The following NUMB variants were observed in gnomAD, a reference collection of about 807,000 sequenced individuals.
The protein encoded by NUMB is NUMB endocytic adaptor protein, also known as protein numb homolog.
Under a neutral mutation model 59.7 loss-of-function variants are expected in NUMB, and 29 were observed. That is an observed-to-expected ratio of 0.49 (90% CI 0.36 to 0.66). The LOEUF (loss-of-function observed/expected upper bound fraction) is 0.66. NUMB is among the 30% of genes least tolerant of loss of function. The pLI, the probability that NUMB is intolerant of heterozygous loss-of-function variation, is 0.00. For missense variants in NUMB, 723 were observed against 822.0 expected, an observed-to-expected ratio of 0.88 and a Z score of 1.47; for synonymous variants, 288 against 288.2, an observed-to-expected ratio of 1.00 and a Z score of 0.01.
At chr14:73,379,920 G>A (rs557283930) in intron 2 of NUMB, among the ~76,000 whole-genome samples, 5 of 152,188 alleles carry the variant, frequency 3.3e-5, no homozygotes, top group Non-Finnish European at 7.3e-5. Flanking sequence ...CTACTAAAGG[G>A]TTCTGAGAGT....
intron 3 of NUMB, among the ~76,000 whole-genome samples, chr14:73,359,778 GC>G (rs756316938): frequency 1.2e-4 from 18 of 152,274 alleles, no homozygotes; most frequent in Non-Finnish European, 2.4e-4. Flanking sequence ...AAACAGCTCT[GC>G]TTCCCTTTAC....
In NUMB at chr14:73,276,489, A is replaced by T. The variant is rs1187414325; in HGVS notation, c.*89T>A. 1 of 978,460 alleles carries T rather than the reference A, an allele frequency of 1.0e-6. No individual in the cohort carries two copies. Among genetic ancestry groups the T allele is most frequent in the Non-Finnish European group, 1.5e-6 (1 of 651,218 alleles). The allele number at this position is 978,460 out of a possible 1,614,324, so 60.6% of individuals were successfully genotyped here. A position where few individuals can be genotyped will look rare whatever the true frequency, so the allele number is the denominator to read the frequency against. ...CTTTGGGATTAGTGAAAAGAGTACTAATCAGGAGACAAAGTCTGTTTTGCT... is the reference window on the plus strand; with the variant it reads ...CTTTGGGATTAGTGAAAAGAGTACTTATCAGGAGACAAAGTCTGTTTTGCT... On this transcript the variant is annotated 3_prime_UTR_variant, in exon 13 of 13. Transcript: ENST00000555238.
chr14:73,446,126 A>G (rs1044673284), intron 1 of NUMB, among the ~76,000 whole-genome samples: 4 of 149,402 alleles, frequency 2.7e-5, no homozygotes, highest in Admixed American at 6.6e-5. Flanking sequence ...CCTCCCGAGT[A>G]GCTGGGACTA....
chr14:73,326,317 T>C (rs1391865317), intron 4 of NUMB, among the ~76,000 whole-genome samples: 1 of 152,022 alleles, frequency 6.6e-6, no homozygotes, highest in Non-Finnish European at 1.5e-5. Context: ...CAGAATAGCA[T>C]TGCAGAGGCT....
At chr14:73,443,333 C>T (rs138287620) in intron 1 of NUMB, among the ~76,000 whole-genome samples, 2,085 of 152,238 alleles carry the variant, frequency 0.014, 16 homozygotes, top group Non-Finnish European at 0.022. Flanking sequence ...CAGTGGCTCA[C>T]GCCTGTAATC....
chr14:73,282,522 A>C lies in NUMB; in HGVS notation c.950-17T>G. ...CTTCTGGCACTGCAAGGCAAACAGA[A>C]AATGGCTCCAGACAGAAAAATGGAA... On this transcript the variant is annotated splice_polypyrimidine_tract_variant and intron_variant, in intron 10 of 12. Transcript: ENST00000555238. The C allele has an allele frequency of 6.2e-7, 1 of 1,610,858 alleles. No homozygotes were observed. Among genetic ancestry groups the C allele is most frequent in the East Asian group, 2.2e-5 (1 of 44,824 alleles).
chr14:73,283,413 G>C (rs1888766072), intron 10 of NUMB, among the ~76,000 whole-genome samples: 1 of 138,432 alleles, frequency 7.2e-6, no homozygotes, highest in Admixed American at 8.0e-5. Context: ...GTCTCAGAGG[G>C]AAGTAAAATA....
chr14:73,311,325 A>G (rs1202840454), intron 6 of NUMB, among the ~76,000 whole-genome samples: 1 of 152,196 alleles, frequency 6.6e-6, no homozygotes, highest in East Asian at 1.9e-4. Context: ...AAGTGCTGGG[A>G]TTACAGGCAT....
intron 2 of NUMB, among the ~76,000 whole-genome samples, chr14:73,378,093 G>A (rs549165721): frequency 6.6e-6 from 1 of 151,180 alleles, no homozygotes; most frequent in African/African-American, 2.4e-5. Context: ...TTTAAAAATC[G>A]GCAAAGACTT....
chr14:73,300,196 A>G (rs2139854201), intron 6 of NUMB, among the ~76,000 whole-genome samples: 1 of 152,274 alleles, frequency 6.6e-6, no homozygotes, highest in South Asian at 2.1e-4. Flanking sequence ...CCCAAGAAAA[A>G]GAGAAGAGTA....
chr14:73,408,167 CA>C (rs1398819459), intron 2 of NUMB, among the ~76,000 whole-genome samples: 2 of 151,640 alleles, frequency 1.3e-5, no homozygotes, highest in African/African-American at 4.8e-5. Flanking sequence ...GCAGAACTTG[CA>C]GTGAGCTGAG....
rs71112745 is a variant in NUMB, at chr14:73,386,867, A to ATTTTTTTTTTTTTTTT, written c.-100-19902_-100-19887dup. Among the ~76,000 whole-genome samples, 6 of 79,834 alleles carry ATTTTTTTTTTTTTTTT rather than the reference A, an allele frequency of 7.5e-5. 1 individual carries two copies. The highest frequency in any genetic ancestry group is 9.8e-5 in the African/African-American group (2 of 20,422). The allele number at this position is 79,834 out of a possible 152,430, so 52.4% of individuals were successfully genotyped here. ...TACAAGACAATCTATCAGGTGTCTT[A>ATTTTTTTTTTTTTTTT]TTTTTTTTTTTTTTTTTTTTTTTTT... On this transcript the variant is annotated intron_variant, in intron 2 of 12. Coordinates refer to ENST00000555238, the MANE Select transcript of NUMB (RefSeq NM_001005743.2).
At chr14:73,447,658 G>A (rs1256351882) in intron 1 of NUMB, among the ~76,000 whole-genome samples, 1 of 142,016 alleles carries the variant, frequency 7.0e-6, no homozygotes, top group Admixed American at 7.2e-5. Flanking sequence ...GCGCAACATA[G>A]AATGACCTCA....
intron 2 of NUMB, among the ~76,000 whole-genome samples, chr14:73,394,018 T>C (rs2140103123): frequency 6.6e-6 from 1 of 152,306 alleles, no homozygotes; most frequent in South Asian, 2.1e-4. Context: ...CAGGCTGGAG[T>C]GCAATTGCGC....
At chr14:73,352,512 A>G (rs1566756298) in intron 4 of NUMB, among the ~76,000 whole-genome samples, 7 of 12,434 alleles carry the variant, frequency 5.6e-4, no homozygotes, top group African/African-American at 8.8e-4. Flanking sequence ...ATATATATAT[A>G]TATATATATA....
chr14:73,303,124 A>G (rs1890242198), intron 6 of NUMB, among the ~76,000 whole-genome samples: 1 of 152,138 alleles, frequency 6.6e-6, no homozygotes, highest in Non-Finnish European at 1.5e-5. Flanking sequence ...AGGGTGAGAC[A>G]GGAGACTCCC....
At chr14:73,371,352 T>C (rs1026847410) in intron 2 of NUMB, among the ~76,000 whole-genome samples, 1 of 151,942 alleles carries the variant, frequency 6.6e-6, no homozygotes, top group African/African-American at 2.4e-5. Flanking sequence ...CTGGCCAACA[T>C]GGTGAAACCC....
chr14:73,302,040 G>A (rs1487598916), intron 6 of NUMB, among the ~76,000 whole-genome samples: 1 of 151,918 alleles, frequency 6.6e-6, no homozygotes, highest in Non-Finnish European at 1.5e-5. Context: ...CTGAGATCAC[G>A]CCACTGCACT....
At chr14:73,412,775 A>C (rs1896955291) in intron 1 of NUMB, among the ~76,000 whole-genome samples, 1 of 152,048 alleles carries the variant, frequency 6.6e-6, no homozygotes, top group African/African-American at 2.4e-5. Context: ...GACTACAGAC[A>C]TGTGCCACCA....
Sources: gnomAD v4.1 joint callset for allele counts (sites outside exome capture counted in the v4.1 genomes callset) on GRCh38, gnomAD v4.1.1 for gene constraint, MANE v1.5 for transcripts, NCBI Gene and HGNC (gene_info 2026-07-23, HGNC 2026-07-21) for gene names.